The following GRHL3 variants were observed in gnomAD, a reference collection of about 807,000 sequenced individuals.
GRHL3 encodes grainyhead-like protein 3 homolog.
A neutral mutation model predicts 70.3 loss-of-function variants in GRHL3; 20 were observed. The observed-to-expected ratio is 0.28, with a 90% CI of 0.20 to 0.41. GRHL3 has a LOEUF of 0.41. Ranked by LOEUF, GRHL3 falls within the 10% of genes least tolerant of loss-of-function variation. GRHL3 has a pLI of 1.00. For synonymous variants in GRHL3, 299 were observed against 299.9 expected (o/e 1.00, Z 0.03); for missense variants, 637 against 762.3 (o/e 0.84, Z 1.94).
intron 15 of GRHL3, 70 bp downstream of exon 15, chr1:24,350,192 G>A: frequency 7.4e-7 from 1 of 1,348,948 alleles, no homozygotes; most frequent in Non-Finnish European, 1.0e-6. Flanking sequence ...TGGCCTTTGT[G>A]GAGGGGCTGA....
intron 8 of GRHL3, among the ~76,000 whole-genome samples, chr1:24,341,079 C>A (rs1005027564): frequency 6.6e-6 from 1 of 152,110 alleles, no homozygotes; most frequent in African/African-American, 2.4e-5. Context: ...GCATCAGGGT[C>A]ATTTCCAAAG....
In GRHL3 at chr1:24,319,485, G is replaced by C; in HGVS notation, c.-67G>C. The C allele has an allele frequency of 6.9e-7, 1 of 1,455,982 alleles. No homozygotes were observed. The highest frequency in any genetic ancestry group is 9.7e-7 in the Non-Finnish European group (1 of 1,036,190). The allele number at this position is 1,455,982 out of a possible 1,614,324, so 90.2% of individuals were successfully genotyped here. A position where few individuals can be genotyped will look rare whatever the true frequency, so the allele number is the denominator to read the frequency against. Reference sequence around the variant, plus strand: ...TCCCGGGCAGAGAATGTCTGTGTCAGGCAAGAATTAGAGACAAGCGGTCAG... The same window carrying C: ...TCCCGGGCAGAGAATGTCTGTGTCACGCAAGAATTAGAGACAAGCGGTCAG... On this transcript the variant is annotated 5_prime_UTR_variant, in exon 1 of 16. Coordinates refer to ENST00000361548, the MANE Select transcript of GRHL3 (RefSeq NM_198173.3).
chr1:24,346,389 C>A (rs938579698), intron 12 of GRHL3, among the ~76,000 whole-genome samples, 164 bp from the exon 13 acceptor site: 5 of 152,226 alleles, frequency 3.3e-5, no homozygotes, highest in African/African-American at 1.2e-4. Context: ...CAAACCCAGG[C>A]AGTCCAACTC....
Position 24,321,464 on chromosome 1 carries a change from A to G in GRHL3, c.17+1896A>G, listed in dbSNP as rs1167024865. The stretch of plus-strand genomic sequence containing the variant: ...GCTTCTGCGGCCTCGACATTCTCCT[A>G]AAAAGTGCCAAGTTAAGAGGACTGG... On this transcript the variant is annotated intron_variant, in intron 1 of 15. Transcript: ENST00000361548. The surrounding 1 kb of genome is among the most constrained non-coding windows in gnomAD (Gnocchi z 4.0). Among the ~76,000 whole-genome samples the G allele has an allele frequency of 6.6e-6, 1 of 152,188 alleles. No homozygotes were observed. Among genetic ancestry groups the G allele is most frequent in the Non-Finnish European group, 1.5e-5 (1 of 68,026 alleles).
Position 24,347,467 on chromosome 1 carries a change from G to A in GRHL3, c.1544-1G>A. 6.2e-7 allele frequency: 1 copy of A among 1,613,946 alleles called. No individual in the cohort carries two copies. The highest frequency in any genetic ancestry group is 8.5e-7 in the Non-Finnish European group (1 of 1,179,790). ...CACTCAAGCTGGCCCTTGCTTTTCA[G>A]TTCTGCTGTATGTGCGGAGGGAGAC... On this transcript the variant is annotated splice_acceptor_variant, in intron 13 of 15. Transcript: ENST00000361548. LOFTEE classifies it high-confidence loss of function.
chr1:24,336,335 G>A (rs150862531), intron 3 of GRHL3, 147 bp from the exon 4 acceptor site: 5 of 571,576 alleles, frequency 8.7e-6, no homozygotes, highest in African/African-American at 3.7e-5. Flanking sequence ...CAATTGGGCT[G>A]CTACAGTGTC....
intron 15 of GRHL3, among the ~76,000 whole-genome samples, chr1:24,360,504 C>T (rs1474787038): frequency 1.3e-5 from 2 of 152,182 alleles, no homozygotes; most frequent in Non-Finnish European, 2.9e-5. Context: ...TTCTGACACT[C>T]TGACAAAAGC....
chr1:24,348,599 G>A (rs926668665), intron 14 of GRHL3, among the ~76,000 whole-genome samples: 2 of 152,192 alleles, frequency 1.3e-5, no homozygotes, highest in African/African-American at 2.4e-5. Flanking sequence ...CTCCAGCAGC[G>A]CTTCCAAGCT....
intron 15 of GRHL3, among the ~76,000 whole-genome samples, chr1:24,351,391 C>A (rs1233843461): frequency 6.9e-6 from 1 of 144,892 alleles, no homozygotes; most frequent in Non-Finnish European, 1.5e-5. Flanking sequence ...TCCATCCCTG[C>A]AGCCCCTGGG....
intron 3 of GRHL3, among the ~76,000 whole-genome samples, chr1:24,336,251 A>G (rs1208906259): frequency 6.6e-6 from 1 of 152,000 alleles, no homozygotes; most frequent in Non-Finnish European, 1.5e-5. Context: ...TAATGGATAA[A>G]ACAGATGTTG....
At position 24,336,678 on chromosome 1, in the gene GRHL3, C is replaced by G. The variant is rs1213099454; in HGVS notation, c.463C>G (p.Leu155Val). Residue 155 changes from leucine (L) to valine (V), a missense_variant, in exon 4 of 16, where the codon CTG (leucine) becomes GTG (valine). Physicochemically the swap from Leu to Val is conservative, Grantham distance 32. This residue lies in a region of GRHL3 where 250 missense variants were observed against 248.6 expected (regional missense o/e 1.01). Transcript: ENST00000361548. ...AAPLPAGPSKLEAGSVDSYLL... is the reference protein window; with the variant it reads ...AAPLPAGPSKVEAGSVDSYLL... ...TCCCCTCCCTGCAGGCCCCAGCAAGCTGGAGGCCGGCTCTGTGGACAGCTA... is the reference window on the plus strand; with the variant it reads ...TCCCCTCCCTGCAGGCCCCAGCAAGGTGGAGGCCGGCTCTGTGGACAGCTA... 6.2e-7 allele frequency: 1 copy of G among 1,614,164 alleles called. No homozygotes were observed. Among genetic ancestry groups the G allele is most frequent in the South Asian group, 1.1e-5 (1 of 91,080 alleles).
chr1:24,336,790 G>A lies in GRHL3; in HGVS notation c.575G>A (p.Trp192Ter). Residue 192 changes from tryptophan to a stop codon, truncating the protein, a stop_gained, in exon 4 of 16, where the codon TGG (tryptophan) becomes TAG (stop). Coordinates refer to ENST00000361548, the MANE Select transcript of GRHL3 (RefSeq NM_198173.3). LOFTEE classifies it high-confidence loss of function. Reference protein sequence around the residue: ...SIHGVPPTQRWQPDSTFKDDP... With the variant: ...SIHGVPPTQR The stretch of plus-strand genomic sequence containing the variant: ...CATGGGGTGCCGCCCACACAGCGCT[G>A]GCAGCCAGACAGCACCTTCAAAGAT... The A allele has an allele frequency of 6.2e-7, 1 of 1,611,262 alleles. No individual in the cohort carries two copies. Among genetic ancestry groups the A allele is most frequent in the Non-Finnish European group, 8.5e-7 (1 of 1,178,204 alleles).
chr1:24,360,912 T>C, intron 15 of GRHL3: 1 of 1,613,902 alleles, frequency 6.2e-7, no homozygotes, highest in Non-Finnish European at 8.5e-7. Context: ...TGGACACGAA[T>C]GATGCACTAG....
Position 24,342,792 on chromosome 1 carries a change from C to G in GRHL3, c.1285+20C>G. 6.2e-7 allele frequency: 1 copy of G among 1,613,958 alleles called. No homozygotes were observed. Among genetic ancestry groups the G allele is most frequent in the Non-Finnish European group, 8.5e-7 (1 of 1,179,850 alleles). On this transcript the variant is annotated intron_variant, in intron 10 of 15. Coordinates refer to ENST00000361548, the MANE Select transcript of GRHL3 (RefSeq NM_198173.3). The surrounding 1 kb of genome is among the most constrained non-coding windows in gnomAD (Gnocchi z 4.8). The stretch of plus-strand genomic sequence containing the variant: ...ACAGTGGTCAGTGGGGATCCAGGGC[C>G]TGGGTGGGCTCGGCTGGCGTGAAGG...
Position 24,336,751 on chromosome 1 carries a change from T to C in GRHL3, c.536T>C (p.Leu179Ser), listed in dbSNP as rs1639832064. ...DMYDNGSLNS[L>S]FESIHGVPPT... ...TATGATAATGGCTCCCTCAACTCCT[T>C]GTTTGAGAGCATTCATGGGGTGCCG... Residue 179 changes from leucine (L) to serine (S), a missense_variant, in exon 4 of 16, where the codon TTG becomes TCG. By Grantham distance (145) the Leu-to-Ser change is moderately radical (BLOSUM62 -2). Coordinates refer to ENST00000361548, the MANE Select transcript of GRHL3 (RefSeq NM_198173.3). 2.5e-6 allele frequency: 4 copies of C among 1,614,008 alleles called. No homozygotes were observed. Among genetic ancestry groups the C allele is most frequent in the Non-Finnish European group, 3.4e-6 (4 of 1,179,980 alleles).
chr1:24,336,509 G>A lies in GRHL3; in HGVS notation c.294G>A (p.Thr98=), dbSNP rs754646960. The change falls in exon 4 of 16, where the codon ACG becomes ACA. Residue 98 remains threonine (T), a synonymous_variant. Transcript: ENST00000361548. ...ACTACCATGGCATGGAATATGAGAC[G>A]GACCTCACTCCCCTTGAAAGCCCCA... ...KRYYHGMEYE[T]DLTPLESPTH... 44 of 1,595,824 alleles carry A rather than the reference G, an allele frequency of 2.8e-5. No homozygotes were observed. Among genetic ancestry groups the A allele is most frequent in the Non-Finnish European group, 3.4e-5 (40 of 1,168,630 alleles).
chr1:24,323,855 G>C (rs942474691), intron 1 of GRHL3, among the ~76,000 whole-genome samples: 1 of 152,154 alleles, frequency 6.6e-6, no homozygotes, highest in East Asian at 1.9e-4. Context: ...TTATCTCTCC[G>C]TTATTTGATG....
At chr1:24,358,560 A>G (rs146480764), downstream of GRHL3, 13 of 1,613,860 alleles carry the variant, frequency 8.1e-6, no homozygotes, top group Middle Eastern at 1.6e-4. Flanking sequence ...ACCGGGATCC[A>G]TTTCTTGTCC....
chr1:24,346,506 A>G (rs961544647), intron 12 of GRHL3, 47 bp from the exon 13 acceptor site: 4 of 1,387,026 alleles, frequency 2.9e-6, no homozygotes, highest in Non-Finnish European at 2.0e-6. Context: ...TTGAGCCTCT[A>G]GGGGTCCCCA....
Sources: gnomAD v4.1 joint callset for allele counts (sites outside exome capture counted in the v4.1 genomes callset) on GRCh38, gnomAD v4.1.1 for gene constraint, gnomAD v4.1.1 regional missense constraint, Gnocchi (gnomAD v3.1) non-coding constraint, MANE v1.5 for transcripts, NCBI Gene and HGNC (gene_info 2026-07-23, HGNC 2026-07-21) for gene names.